Variants in GALNT18 observed in about 807,000 individuals in gnomAD.
GALNT18 encodes the protein polypeptide N-acetylgalactosaminyltransferase 18, also known as GalNAc-transferase 18.
Under a neutral mutation model 69.5 loss-of-function variants are expected in GALNT18, and 44 were observed. The observed-to-expected ratio is 0.63, with a 90% CI of 0.50 to 0.81. The LOEUF (loss-of-function observed/expected upper bound fraction) is 0.81, where lower values mean the gene tolerates loss of function less well. Ranked by LOEUF, GALNT18 falls within the 40% of genes least tolerant of loss-of-function variation. The probability of loss-of-function intolerance (pLI) is 0.00; values close to 1 mark genes in which losing one functional copy is unlikely to be tolerated. For synonymous variants in GALNT18, 364 were observed against 318.2 expected, an observed-to-expected ratio of 1.14 and a Z score of -1.53; for missense variants, 715 against 810.0, an observed-to-expected ratio of 0.88 and a Z score of 1.42.
intron 6 of GALNT18, among the ~76,000 whole-genome samples, chr11:11,355,913 G>A (rs1264993263): frequency 6.6e-6 from 1 of 152,152 alleles, no homozygotes; most frequent in East Asian, 1.9e-4. Context: ...GTGTTCCTGG[G>A]CCATTTACAC....
At chr11:11,419,079 A>G (rs1225785264) in intron 3 of GALNT18, among the ~76,000 whole-genome samples, 1 of 152,172 alleles carries the variant, frequency 6.6e-6, no homozygotes, top group Admixed American at 6.5e-5. Flanking sequence ...CCGGCGATGG[A>G]AAACACAAAG....
intron 1 of GALNT18, among the ~76,000 whole-genome samples, chr11:11,531,451 T>C (rs1372668040): frequency 1.3e-5 from 2 of 152,174 alleles, no homozygotes; most frequent in Non-Finnish European, 2.9e-5. Flanking sequence ...TGCGAGTGCA[T>C]ACGCATCGGG....
At chr11:11,308,637 T>C (rs902774271) in intron 9 of GALNT18, among the ~76,000 whole-genome samples, 2 of 152,092 alleles carry the variant, frequency 1.3e-5, no homozygotes, top group African/African-American at 4.8e-5. Flanking sequence ...GAGTTGACAC[T>C]CTCCTCTCCC....
chr11:11,344,855 G>A (rs936909401), intron 6 of GALNT18, among the ~76,000 whole-genome samples: 24 of 89,068 alleles, frequency 2.7e-4, no homozygotes, highest in Non-Finnish European at 4.6e-4. Flanking sequence ...GAGTGGTGTC[G>A]GGCTATGTAA....
rs112355096 is a variant in GALNT18, at chr11:11,466,943, A to G, written c.236-18007T>C. On this transcript the variant is annotated intron_variant, in intron 1 of 10. Coordinates refer to ENST00000227756, the MANE Select transcript of GALNT18 (RefSeq NM_198516.3). ...ATTACTTGGCTTATGTGCAATTTCT[A>G]GAAGGCTCAGAGTAGAAAATCTTCT... Among the ~76,000 whole-genome samples, 761 of 152,326 alleles carry G rather than the reference A, an allele frequency of 5.0e-3. 9 individuals carry two copies. The highest frequency in any genetic ancestry group is 0.017 in the African/African-American group (714 of 41,570).
intron 10 of GALNT18, among the ~76,000 whole-genome samples, chr11:11,284,930 T>TTTTTTTA (rs1554909662): frequency 1.9e-4 from 25 of 134,706 alleles, no homozygotes; most frequent in African/African-American, 5.7e-4. Flanking sequence ...TTTTTTTTTT[T>TTTTTTTA]AACTACTTGG....
Position 11,543,720 on chromosome 11 carries a change from A to G in GALNT18, c.235+77639T>C, listed in dbSNP as rs575755936. 4.6e-3 allele frequency among the ~76,000 whole-genome samples: 694 copies of G among 152,272 alleles called. 5 individuals are homozygous for G. The highest frequency in any genetic ancestry group is 6.7e-3 in the Non-Finnish European group (453 of 68,006). ...AGGACCTAGGCTTTTACAACTGCAA[A>G]GTGAGGGGCCAGCTGAGATCACTGA... On this transcript the variant is annotated intron_variant, in intron 1 of 10. Coordinates refer to ENST00000227756, the MANE Select transcript of GALNT18 (RefSeq NM_198516.3). This position sits in a 1 kb window ranked among gnomAD's most constrained non-coding sequence, Gnocchi z 5.1.
chr11:11,577,293 C>T lies in GALNT18; in HGVS notation c.235+44066G>A, dbSNP rs146472840. ...GGTGGACTCAGCAGATGAGCGGAGA[C>T]GACCACTGTGGGAGCCACTGAATTG... On this transcript the variant is annotated intron_variant, in intron 1 of 10. Coordinates refer to ENST00000227756, the MANE Select transcript of GALNT18 (RefSeq NM_198516.3). 7.8e-4 allele frequency among the ~76,000 whole-genome samples: 119 copies of T among 152,290 alleles called. 3 individuals are homozygous for T. In the East Asian group the frequency reaches 0.019, roughly 24 times the overall value.
intron 1 of GALNT18, among the ~76,000 whole-genome samples, chr11:11,518,571 T>C (rs534792496): frequency 5.3e-5 from 8 of 152,358 alleles, no homozygotes; most frequent in African/African-American, 1.9e-4. Context: ...GCATGCCAGA[T>C]CCTGGCATCT....
chr11:11,343,758 G>A (rs1448756052), intron 6 of GALNT18, among the ~76,000 whole-genome samples: 1 of 152,174 alleles, frequency 6.6e-6, no homozygotes, highest in East Asian at 1.9e-4. Context: ...ACAACACAGA[G>A]CATGAGTCGT....
Position 11,387,616 on chromosome 11 carries a change from G to T in GALNT18, c.596-8352C>A, listed in dbSNP as rs561916024. ...TTCTCTGAAGCCATTTAGGGCCATT[G>T]AAACACAAATGCTATGTCAACACAT... On this transcript the variant is annotated intron_variant, in intron 3 of 10. Transcript: ENST00000227756. The surrounding 1 kb of genome is among the most constrained non-coding windows in gnomAD (Gnocchi z 4.6). 6.6e-6 allele frequency among the ~76,000 whole-genome samples: 1 copy of T among 152,330 alleles called. No homozygotes were observed. The highest frequency in any genetic ancestry group is 2.4e-5 in the African/African-American group (1 of 41,570).
At chr11:11,323,012 G>A (rs1008388396) in intron 9 of GALNT18, among the ~76,000 whole-genome samples, 1 of 152,128 alleles carries the variant, frequency 6.6e-6, no homozygotes, top group Non-Finnish European at 1.5e-5. Flanking sequence ...CTTATGACCT[G>A]ACTTGACTTT....
At position 11,336,617 on chromosome 11, in the gene GALNT18, A is replaced by C. The variant is rs373764141; in HGVS notation, c.1279-3786T>G. On this transcript the variant is annotated intron_variant, in intron 7 of 10. Transcript: ENST00000227756. ...AGACCAAAGGTTAAATTGGGAACAGATGTGCTTGCAGCTGAGGAAAAGGGA... is the reference window on the plus strand; with the variant it reads ...AGACCAAAGGTTAAATTGGGAACAGCTGTGCTTGCAGCTGAGGAAAAGGGA... 1.2e-4 allele frequency among the ~76,000 whole-genome samples: 19 copies of C among 152,298 alleles called. No homozygotes were observed. The East Asian group carries it at 3.7e-3, about 29-fold the overall frequency.
rs1857831610 is a variant in GALNT18, at chr11:11,538,366, C to T, written c.235+82993G>A. 1.3e-5 allele frequency among the ~76,000 whole-genome samples: 2 copies of T among 152,158 alleles called. No homozygotes were observed. Among genetic ancestry groups the T allele is most frequent in the South Asian group, 4.1e-4 (2 of 4,830 alleles). Reference sequence around the variant, plus strand: ...AGGGAGCAGCTGGAGGAGGGCTGCTCTTTCTGCCGCATGTTCATTTCAGCT... The same window carrying T: ...AGGGAGCAGCTGGAGGAGGGCTGCTTTTTCTGCCGCATGTTCATTTCAGCT... On this transcript the variant is annotated intron_variant, in intron 1 of 10. Coordinates refer to ENST00000227756, the MANE Select transcript of GALNT18 (RefSeq NM_198516.3). This position sits in a 1 kb window ranked among gnomAD's most constrained non-coding sequence, Gnocchi z 5.2.
At chr11:11,452,789 C>A (rs1158897622) in intron 1 of GALNT18, among the ~76,000 whole-genome samples, 1 of 152,158 alleles carries the variant, frequency 6.6e-6, no homozygotes, top group Non-Finnish European at 1.5e-5. Context: ...GGATGAGGCA[C>A]CTTCCAGGAT....
intron 1 of GALNT18, among the ~76,000 whole-genome samples, chr11:11,471,561 T>G (rs1429243696): frequency 6.6e-6 from 1 of 152,174 alleles, no homozygotes; most frequent in Admixed American, 6.5e-5. Context: ...CCTTTCCTTG[T>G]GCTTTTTGGC....
Position 11,332,685 on chromosome 11 carries a change from G to A in GALNT18, c.1416+9C>T. On this transcript the variant is annotated intron_variant, in intron 8 of 10. Transcript: ENST00000227756. The surrounding 1 kb of genome is among the most constrained non-coding windows in gnomAD (Gnocchi z 4.3). ...TCTGAATGAAACCCGGAGGAGGCCA[G>A]CTCCTTACCACTCCATAGGCAATGA... is the stretch of plus-strand genomic sequence containing the variant. 1.2e-6 allele frequency: 2 copies of A among 1,613,834 alleles called. No individual in the cohort carries two copies. Among genetic ancestry groups the A allele is most frequent in the Admixed American group, 1.7e-5 (1 of 60,016 alleles).
chr11:11,406,101 T>C (rs529453077), intron 3 of GALNT18, among the ~76,000 whole-genome samples: 2 of 152,256 alleles, frequency 1.3e-5, no homozygotes, highest in African/African-American at 4.8e-5. Flanking sequence ...GATTTTCTCC[T>C]TGTGAACTGT....
intron 3 of GALNT18, among the ~76,000 whole-genome samples, chr11:11,381,947 T>G (rs1853931736): frequency 6.6e-6 from 1 of 152,212 alleles, no homozygotes; most frequent in Non-Finnish European, 1.5e-5. Context: ...ATTGTTCTGG[T>G]CCGGTGCTGG....
Sources: allele counts gnomAD v4.1 joint callset (sites outside exome capture counted in the v4.1 genomes callset), GRCh38; gene constraint gnomAD v4.1.1; non-coding constraint Gnocchi (gnomAD v3.1); transcripts MANE v1.5; gene names NCBI Gene and HGNC (gene_info 2026-07-23, HGNC 2026-07-21).